Variants in MAST4 observed in about 807,000 individuals in gnomAD.
The protein encoded by MAST4 is microtubule-associated serine/threonine-protein kinase 4.
Under a neutral mutation model 162.7 loss-of-function variants are expected in MAST4, and 89 were observed. The ratio of observed to expected loss-of-function variants is 0.55; its 90% CI spans 0.46 to 0.65. MAST4 has a LOEUF of 0.65. MAST4 is among the 30% of genes least tolerant of loss of function. The probability of loss-of-function intolerance (pLI) is 0.00; values close to 1 mark genes in which losing one functional copy is unlikely to be tolerated. For missense variants in MAST4, 3,153 were observed against 3,374.0 expected (o/e 0.93, Z 1.62); for synonymous variants, 1,479 against 1,361.1 (o/e 1.09, Z -1.91).
Position 67,163,547 on chromosome 5 carries a change from TGACAA to T in MAST4, c.4371_4375del (p.Asp1457GlufsTer33). On this transcript the variant is annotated frameshift_variant, in exon 29 of 29. Transcript: ENST00000403625. LOFTEE classifies it low-confidence loss of function (END_TRUNC). This position sits in a 1 kb window ranked among gnomAD's most constrained non-coding sequence, Gnocchi z 7.0. Reference sequence around the variant, plus strand: ...AGAAGCTGTCGCCCTCTTACGGCAGTGACAAGAAGCACCTGTGCTCCCGCAAGCAC... The same window carrying T: ...AGAAGCTGTCGCCCTCTTACGGCAGTGAAGCACCTGTGCTCCCGCAAGCAC... 6.3e-7 allele frequency: 1 copy of T among 1,599,250 alleles called. No individual in the cohort carries two copies. Among genetic ancestry groups the T allele is most frequent in the Non-Finnish European group, 8.5e-7 (1 of 1,173,414 alleles).
intron 26 of MAST4, among the ~76,000 whole-genome samples, chr5:67,157,222 T>A (rs538477833): frequency 6.6e-6 from 1 of 152,366 alleles, no homozygotes; most frequent in South Asian, 2.1e-4. Flanking sequence ...TTACCATTTT[T>A]GTAACCATTA....
intron 4 of MAST4, among the ~76,000 whole-genome samples, chr5:66,935,226 A>G (rs1742609549): frequency 6.6e-6 from 1 of 152,248 alleles, no homozygotes; most frequent in African/African-American, 2.4e-5. Flanking sequence ...TTTAACATGC[A>G]GAGAATACAA....
intron 16 of MAST4, among the ~76,000 whole-genome samples, chr5:67,133,033 T>C (rs770787994): frequency 1.3e-5 from 2 of 152,144 alleles, no homozygotes; most frequent in Admixed American, 1.3e-4. Flanking sequence ...GTAAGAAATA[T>C]AGGTTTTGTG....
chr5:67,136,738 T>C (rs1209953287), intron 19 of MAST4, 74 bp downstream of exon 19: 26 of 1,228,324 alleles, frequency 2.1e-5, no homozygotes, highest in Non-Finnish European at 3.0e-5. Context: ...GAAGCTTTTG[T>C]TGTTGTTTTG....
chr5:67,116,257 G>A (rs765167467), intron 12 of MAST4, among the ~76,000 whole-genome samples: 51 of 152,050 alleles, frequency 3.4e-4, no homozygotes, highest in Middle Eastern at 3.2e-3. Flanking sequence ...CCAGGCTGGA[G>A]TGTAGTGGCA....
chr5:66,709,540 CTCTGG>C (rs5868460), intron 1 of MAST4, among the ~76,000 whole-genome samples: 65,116 of 151,434 alleles, frequency 0.43, 14,363 homozygotes, highest in African/African-American at 0.54. Flanking sequence ...TGGTCTTGAA[CTCTGG>C]GCCTCAAGCA....
At chr5:67,096,867 C>T (rs550169798) in intron 7 of MAST4, among the ~76,000 whole-genome samples, 4 of 152,142 alleles carry the variant, frequency 2.6e-5, no homozygotes, top group Admixed American at 1.3e-4. Context: ...TCCTAACAAC[C>T]TTAAGTAGTT....
intron 3 of MAST4, among the ~76,000 whole-genome samples, chr5:66,790,278 A>G (rs938411890): frequency 2.0e-4 from 30 of 152,256 alleles, no homozygotes; most frequent in Middle Eastern, 3.4e-3. Context: ...TGCTTTTGCC[A>G]TTAGATAGCT....
intron 1 of MAST4, among the ~76,000 whole-genome samples, chr5:66,748,724 A>G (rs1237463785): frequency 6.6e-6 from 1 of 151,832 alleles, no homozygotes; most frequent in African/African-American, 2.4e-5. Context: ...TCTTGACCTC[A>G]TGATCCACCT....
chr5:66,815,766 A>C (rs1002758679), intron 3 of MAST4, among the ~76,000 whole-genome samples: 1 of 152,234 alleles, frequency 6.6e-6, no homozygotes, highest in Non-Finnish European at 1.5e-5. Flanking sequence ...AACAGGATAC[A>C]TACATCCTTT....
At chr5:66,889,848 G>A (rs1233216085) in intron 3 of MAST4, among the ~76,000 whole-genome samples, 1 of 152,124 alleles carries the variant, frequency 6.6e-6, no homozygotes, top group Non-Finnish European at 1.5e-5. Context: ...TGTAATTTTG[G>A]AAATTGAATC....
intron 4 of MAST4, among the ~76,000 whole-genome samples, chr5:66,983,660 A>C (rs1408175783): frequency 6.6e-6 from 1 of 151,854 alleles, no homozygotes; most frequent in Non-Finnish European, 1.5e-5. Flanking sequence ...ACTGAGGGGG[A>C]GGGGAATGGG....
In MAST4 at chr5:67,033,656, T is replaced by C. The variant is rs114097537; in HGVS notation, c.675-20748T>C. Among the ~76,000 whole-genome samples the C allele has an allele frequency of 6.6e-3, 1,010 of 152,252 alleles. 6 individuals carry two copies. Among genetic ancestry groups the C allele is most frequent in the Non-Finnish European group, 0.01 (710 of 68,002 alleles). ...TTACATTACAGTGATCTAGATTTCG[T>C]TATATGATAAGCTGATTAACTTTGA... On this transcript the variant is annotated intron_variant, in intron 4 of 28. Transcript: ENST00000403625.
intron 4 of MAST4, among the ~76,000 whole-genome samples, chr5:67,052,052 A>G (rs1758245609): frequency 2.0e-5 from 3 of 152,190 alleles, no homozygotes; most frequent in Non-Finnish European, 4.4e-5. Flanking sequence ...ATTTGTCAAT[A>G]AGATATACCT....
At position 66,788,731 on chromosome 5, in the gene MAST4, C is replaced by G. The variant is rs150823922; in HGVS notation, c.579C>G (p.Ser193=). ...CCTGGCCGGCCTCTGCAGAGACGTC[C>G]AACCTCGTGCGCATGCGCAGCCAGG... ...GQAWPASAET[S]NLVRMRSQAL... is the part of the protein sequence containing the mutation. The change falls in exon 3 of 29, where the codon TCC becomes TCG. Residue 193 remains serine (S), a synonymous_variant. Transcript: ENST00000403625. 17,608 of 1,613,248 alleles carry G rather than the reference C, an allele frequency of 0.011. 220 individuals carry two copies. The highest frequency in any genetic ancestry group is 0.039 in the Admixed American group (2,309 of 59,950).
chr5:66,768,770 A>G (rs1754225793), intron 2 of MAST4, among the ~76,000 whole-genome samples: 1 of 152,178 alleles, frequency 6.6e-6, no homozygotes, highest in Admixed American at 6.5e-5. Flanking sequence ...GTTTTTCAAG[A>G]TGTTACCATT....
rs544272513 is a variant in MAST4, at chr5:67,111,226, A to G, written c.1458+1027A>G. Among the ~76,000 whole-genome samples, 175 of 152,330 alleles carry G rather than the reference A, an allele frequency of 1.1e-3. 1 individual carries two copies. Among genetic ancestry groups the G allele is most frequent in the African/African-American group, 4.0e-3 (165 of 41,582 alleles). ...ACTTTAAAGTTCCACTGGTTATTAA[A>G]GTAATTATAACATCACATACAATAC... On this transcript the variant is annotated intron_variant, in intron 11 of 28. Coordinates refer to ENST00000403625, the MANE Select transcript of MAST4 (RefSeq NM_001164664.2).
At chr5:66,740,398 C>T (rs1752418805) in intron 1 of MAST4, among the ~76,000 whole-genome samples, 3 of 152,186 alleles carry the variant, frequency 2.0e-5, no homozygotes, top group African/African-American at 7.2e-5. Flanking sequence ...TCAAGCAATT[C>T]CTCCTTGTGG....
intron 2 of MAST4, among the ~76,000 whole-genome samples, chr5:66,764,386 C>T (rs747179833): frequency 7.9e-5 from 12 of 152,278 alleles, no homozygotes; most frequent in South Asian, 2.1e-4. Context: ...CTAATGCAAA[C>T]GGCATGGTGA....
Sources: gnomAD v4.1 joint callset for allele counts (sites outside exome capture counted in the v4.1 genomes callset) on GRCh38, gnomAD v4.1.1 for gene constraint, Gnocchi (gnomAD v3.1) non-coding constraint, MANE v1.5 for transcripts, NCBI Gene and HGNC (gene_info 2026-07-23, HGNC 2026-07-21) for gene names.